Variants in ZFP82 observed in about 807,000 individuals in gnomAD.
ZFP82 encodes ZFP82 zinc finger protein.
Under a neutral mutation model 54.0 loss-of-function variants are expected in ZFP82, and 30 were observed. That is an observed-to-expected ratio of 0.56 (90% CI 0.42 to 0.75). The LOEUF is 0.75. Ranked by LOEUF, ZFP82 falls within the 30% of genes least tolerant of loss-of-function variation. The pLI, the probability that ZFP82 is intolerant of heterozygous loss-of-function variation, is 0.00. For synonymous variants in ZFP82, 194 were observed against 209.5 expected (o/e 0.93, Z 0.64); for missense variants, 500 against 636.8 (o/e 0.79, Z 2.31).
chr19:36,394,766 T>A (rs1281732261), intron 4 of ZFP82: 1 of 152,272 alleles, frequency 6.6e-6, no homozygotes, highest in Non-Finnish European at 1.5e-5. Flanking sequence ...AGTCATTTCC[T>A]TTAAGGTTGA....
At chr19:36,399,523 A>C (rs2032349657) in intron 4 of ZFP82, among the ~76,000 whole-genome samples, 3 of 152,246 alleles carry the variant, frequency 2.0e-5, no homozygotes, top group Admixed American at 2.0e-4. Flanking sequence ...GTGGCTGGTC[A>C]TGTCCTGGGG....
chr19:36,398,656 AAGGTAAC>A (rs372611862), intron 4 of ZFP82, among the ~76,000 whole-genome samples: 218 of 152,292 alleles, frequency 1.4e-3, no homozygotes, highest in African/African-American at 5.1e-3. Flanking sequence ...AGATGCTGAA[AAGGTAAC>A]TAAAAAAAGA....
chr19:36,394,099 T>C lies in ZFP82; in HGVS notation c.241A>G (p.Lys81Glu), dbSNP rs764982529. The change falls in exon 5 of 5, where the codon AAG becomes GAG. Residue 81 changes from lysine to glutamate, a missense_variant. Lys to Glu is a moderately conservative substitution (Grantham distance 56). Transcript: ENST00000392161. ...GRRQYPDLET[K>E]YETKKLSLEN... ...AAAGATAACTTCTTGGTCTCATACT[T>C]GGTCTCCAAATCTAAAATAAAACAA... The C allele has an allele frequency of 1.2e-6, 2 of 1,604,422 alleles. No individual in the cohort carries two copies. The highest frequency in any genetic ancestry group is 1.7e-6 in the Non-Finnish European group (2 of 1,177,992).
In ZFP82 at chr19:36,392,867, T is replaced by G; in HGVS notation, c.1473A>C (p.Ser491=). The change falls in exon 5 of 5, where the codon TCA becomes TCC. Residue 491 remains serine, a synonymous_variant. Coordinates refer to ENST00000392161, the MANE Select transcript of ZFP82 (RefSeq NM_133466.4). ...KECRKAFRLN[S]SLIQHLRIHS... Reference sequence around the variant, plus strand: ...GAATTCTCAGATGTTGAATAAGGGATGAATTAAGTCTAAAGGCCTTCCTAC... The same window carrying G: ...GAATTCTCAGATGTTGAATAAGGGAGGAATTAAGTCTAAAGGCCTTCCTAC... The G allele has an allele frequency of 1.2e-6, 2 of 1,613,840 alleles. No individual in the cohort carries two copies. Among genetic ancestry groups the G allele is most frequent in the Non-Finnish European group, 1.7e-6 (2 of 1,179,816 alleles).
chr19:36,402,342 G>A (rs897653835), intron 4 of ZFP82, among the ~76,000 whole-genome samples: 2 of 151,800 alleles, frequency 1.3e-5, no homozygotes, highest in African/African-American at 2.4e-5. Flanking sequence ...GGTGGCGGGC[G>A]CCTGTAGTCC....
intron 4 of ZFP82, among the ~76,000 whole-genome samples, chr19:36,398,327 A>C (rs1432435641): frequency 6.6e-6 from 1 of 152,192 alleles, no homozygotes; most frequent in East Asian, 1.9e-4. Flanking sequence ...TCACGAGGTC[A>C]GGAGTTCAAG....
At chr19:36,385,094 TG>T (rs144344457), downstream of ZFP82, among the ~76,000 whole-genome samples, 23,028 of 152,136 alleles carry the variant, frequency 0.15, 2,177 homozygotes, top group Admixed American at 0.2. Flanking sequence ...TATTAAGAGG[TG>T]GGACTGTTAA....
intron 1 of ZFP82, among the ~76,000 whole-genome samples, chr19:36,414,456 C>T (rs1447456933): frequency 4.0e-5 from 6 of 151,228 alleles, no homozygotes; most frequent in Non-Finnish European, 5.9e-5. Context: ...CTCTGCCTCC[C>T]GGGTTCAAGT....
chr19:36,415,035 G>A (rs921773897), intron 1 of ZFP82, among the ~76,000 whole-genome samples: 5 of 152,020 alleles, frequency 3.3e-5, no homozygotes, highest in African/African-American at 1.2e-4. Flanking sequence ...TAGTCAGGCT[G>A]GTCTGGAACT....
intron 1 of ZFP82, among the ~76,000 whole-genome samples, chr19:36,411,281 C>T (rs1346246419): frequency 2.0e-5 from 3 of 152,038 alleles, no homozygotes; most frequent in Non-Finnish European, 4.4e-5. Flanking sequence ...ACCATAGAGT[C>T]GGCTTTCCTT....
Position 36,392,948 on chromosome 19 carries a change from T to C in ZFP82, c.1392A>G (p.Lys464=). 1.9e-6 allele frequency: 3 copies of C among 1,613,848 alleles called. No homozygotes were observed. The highest frequency in any genetic ancestry group is 2.5e-6 in the Non-Finnish European group (3 of 1,179,876). ...TATGAATGCTCTGATGTAGAGTAAG[T>C]TTTTGGCGCAATCTAAAGGCCTTGC... ...ECGKAFRLRQ[K]LTLHQSIHTG... Residue 464 remains lysine (K), a synonymous_variant, in exon 5 of 5, where the codon AAA becomes AAG. Coordinates refer to ENST00000392161, the MANE Select transcript of ZFP82 (RefSeq NM_133466.4).
chr19:36,403,480 C>G (rs1299600638), intron 4 of ZFP82, among the ~76,000 whole-genome samples: 1 of 151,760 alleles, frequency 6.6e-6, no homozygotes, highest in African/African-American at 2.4e-5. Context: ...ATTAGCCAGG[C>G]ATAGTGGCAC....
rs1278564688 is a variant in ZFP82, at chr19:36,392,819, T to C, written c.1521A>G (p.Glu507=). Residue 507 remains glutamate, a synonymous_variant, in exon 5 of 5, where the codon GAA becomes GAG. Transcript: ENST00000392161. ...LRIHSGEKPY[E]CKECKKAFRQ... is the part of the protein sequence containing the mutation. ...TAAAGGCCTTCTTACATTCCTTACA[T>C]TCATAGGGTTTCTCACCAGAATGAA... 1 of 1,613,336 alleles carries C rather than the reference T, an allele frequency of 6.2e-7. No individual in the cohort carries two copies. Among genetic ancestry groups the C allele is most frequent in the Non-Finnish European group, 8.5e-7 (1 of 1,179,564 alleles).
rs1184413759 is a variant in ZFP82, at chr19:36,413,953, T to C, written c.-78-4086A>G. Among the ~76,000 whole-genome samples, 4 of 149,480 alleles carry C rather than the reference T, an allele frequency of 2.7e-5. No individual in the cohort carries two copies. The South Asian group carries it at 6.4e-4, about 24-fold the overall frequency. The stretch of plus-strand genomic sequence containing the variant: ...TCTCGCTCTGTTACCCAGGCTGGAG[T>C]GCAGTGGCAAGATCTCGGCTCACTG... On this transcript the variant is annotated intron_variant, in intron 1 of 4. Transcript: ENST00000392161.
chr19:36,415,940 G>A (rs1357197767), intron 1 of ZFP82, among the ~76,000 whole-genome samples: 1 of 152,202 alleles, frequency 6.6e-6, no homozygotes, highest in East Asian at 1.9e-4. Context: ...TTCAGTAAAA[G>A]TATACCAAAG....
rs112210948 is a variant in ZFP82, at chr19:36,393,311, G to T, written c.1029C>A (p.Cys343Ter). The change falls in exon 5 of 5, where the codon TGC (cysteine) becomes TGA (stop). Residue 343 changes from cysteine to a stop codon, truncating the protein, a stop_gained. Transcript: ENST00000392161. LOFTEE classifies it high-confidence loss of function. ...GTTGTCGCACTCTAAAGGCCTTCCC[G>T]CATTCCTTACATTCATAGGGTTTCT... ...TGEKPYECKE[C>*]GKAFRVRQQL... is the part of the protein sequence containing the mutation. The T allele has an allele frequency of 6.2e-7, 1 of 1,611,868 alleles. No homozygotes were observed. Among genetic ancestry groups the T allele is most frequent in the South Asian group, 1.1e-5 (1 of 90,960 alleles).
At chr19:36,395,585 T>C (rs1453955493) in intron 4 of ZFP82, 2 of 152,172 alleles carry the variant, frequency 1.3e-5, no homozygotes, top group Non-Finnish European at 2.9e-5. Flanking sequence ...GGCCAGAGGA[T>C]GGCAAGCCAG....
At chr19:36,415,177 T>C (rs1350703793) in intron 1 of ZFP82, among the ~76,000 whole-genome samples, 3 of 152,218 alleles carry the variant, frequency 2.0e-5, no homozygotes, top group Non-Finnish European at 4.4e-5. Context: ...AAATGATCAA[T>C]TGTTGTGATT....
chr19:36,385,389 T>C (rs1453508473), downstream of ZFP82, among the ~76,000 whole-genome samples: 1 of 152,186 alleles, frequency 6.6e-6, no homozygotes, highest in Non-Finnish European at 1.5e-5. Context: ...AGTATTCTGT[T>C]ATAGCAACAC....
Sources: allele counts gnomAD v4.1 joint callset (sites outside exome capture counted in the v4.1 genomes callset), GRCh38; gene constraint gnomAD v4.1.1; transcripts MANE v1.5; gene names NCBI Gene and HGNC (gene_info 2026-07-23, HGNC 2026-07-21).